FAM168A: variants seen among roughly 807,000 people sequenced by gnomAD.
FAM168A encodes the protein protein FAM168A.
FAM168A carries 3 observed loss-of-function variants against 28.5 expected under a neutral mutation model. The observed-to-expected ratio is 0.11, with a 90% CI of 0.05 to 0.27. The LOEUF is 0.27. Ranked by LOEUF, FAM168A falls within the 10% of genes least tolerant of loss-of-function variation. FAM168A has a pLI of 1.00. For synonymous variants in FAM168A, 122 were observed against 124.2 expected, an observed-to-expected ratio of 0.98 and a Z score of 0.12; for missense variants, 222 against 311.5, an observed-to-expected ratio of 0.71 and a Z score of 2.16.
chr11:73,462,914 GGAGAA>G (rs199533176), intron 2 of FAM168A, among the ~76,000 whole-genome samples: 8 of 150,138 alleles, frequency 5.3e-5, no homozygotes, highest in South Asian at 2.1e-4. Flanking sequence ...AGAGAGGAGA[GGAGAA>G]GAGAAGAGAA....
At position 73,409,559 on chromosome 11, in the gene FAM168A, G is replaced by A; in HGVS notation, c.523C>T (p.Pro175Ser). 1.2e-6 allele frequency: 2 copies of A among 1,614,088 alleles called. No individual in the cohort carries two copies. Among genetic ancestry groups the A allele is most frequent in the Non-Finnish European group, 1.7e-6 (2 of 1,179,956 alleles). Residue 175 changes from proline to serine, a missense_variant, in exon 6 of 8, where the codon CCT (proline) becomes TCT (serine). This residue lies in a region of FAM168A where 64 missense variants were observed against 94.6 expected (regional missense o/e 0.68). Transcript: ENST00000356467. The part of the protein sequence containing the change: ...NSIPSAIYPA[P>S]VAAPRTNGVA... ...CCGTTGGTCCTCGGGGCGGCAACAG[G>A]TGCTGGGTAGATAGCAGAGGGAATG...
At chr11:73,464,342 A>T (rs1156892880) in intron 2 of FAM168A, among the ~76,000 whole-genome samples, 1 of 146,516 alleles carries the variant, frequency 6.8e-6, no homozygotes, top group East Asian at 1.9e-4. Flanking sequence ...GGGGAAAACA[A>T]ACACTGGTTT....
intron 1 of FAM168A, among the ~76,000 whole-genome samples, chr11:73,509,395 C>A (rs970755501): frequency 1.3e-5 from 2 of 152,174 alleles, no homozygotes; most frequent in African/African-American, 4.8e-5. Flanking sequence ...CTAAGTAAAT[C>A]CTGCTAAGTA....
At chr11:73,520,614 C>A (rs1048599930) in intron 1 of FAM168A, among the ~76,000 whole-genome samples, 2 of 152,148 alleles carry the variant, frequency 1.3e-5, no homozygotes, top group African/African-American at 4.8e-5. Context: ...TAAATCACAC[C>A]TGATTCGACC....
At chr11:73,539,578 T>G (rs1590841761) in intron 1 of FAM168A, among the ~76,000 whole-genome samples, 1 of 152,114 alleles carries the variant, frequency 6.6e-6, no homozygotes, top group Non-Finnish European at 1.5e-5. Context: ...CAATCAAGAC[T>G]TTACTAGACA....
intron 1 of FAM168A, among the ~76,000 whole-genome samples, chr11:73,498,974 T>C (rs578226687): frequency 6.6e-6 from 1 of 152,228 alleles, no homozygotes; most frequent in Admixed American, 6.5e-5. Flanking sequence ...GATGAGTGGG[T>C]ATCCCCCCAG....
chr11:73,525,771 T>C (rs1382559714), intron 1 of FAM168A, among the ~76,000 whole-genome samples: 5 of 152,226 alleles, frequency 3.3e-5, no homozygotes, highest in Admixed American at 6.5e-5. Flanking sequence ...TCCAAAATCT[T>C]GTTCCCTCTC....
chr11:73,484,870 G>A (rs1233800184), intron 1 of FAM168A, among the ~76,000 whole-genome samples: 2 of 151,728 alleles, frequency 1.3e-5, no homozygotes, highest in East Asian at 1.9e-4. Context: ...CCTGGAGTCC[G>A]ATGTTCAAGG....
intron 1 of FAM168A, among the ~76,000 whole-genome samples, chr11:73,510,491 T>C (rs75682004): frequency 0.013 from 2,022 of 152,196 alleles, 45 homozygotes; most frequent in African/African-American, 0.045. Context: ...GCAAAAGTAA[T>C]TGCAGTTTTT....
intron 1 of FAM168A, among the ~76,000 whole-genome samples, chr11:73,555,503 G>A (rs1055049780): frequency 1.3e-5 from 2 of 151,906 alleles, no homozygotes; most frequent in Non-Finnish European, 2.9e-5. Flanking sequence ...TCAGGAGCTC[G>A]AGACCAGCCT....
chr11:73,407,935 G>C (rs912416390), intron 6 of FAM168A, among the ~76,000 whole-genome samples: 1 of 152,210 alleles, frequency 6.6e-6, no homozygotes, highest in Non-Finnish European at 1.5e-5. Context: ...GCAATGGCGC[G>C]ATCTCAGCTC....
At chr11:73,493,070 C>T (rs1023336802) in intron 1 of FAM168A, among the ~76,000 whole-genome samples, 3 of 152,038 alleles carry the variant, frequency 2.0e-5, no homozygotes, top group East Asian at 3.9e-4. Context: ...TTGGGTACTA[C>T]GCTCACTACC....
intron 2 of FAM168A, among the ~76,000 whole-genome samples, chr11:73,438,104 T>C (rs1173376119): frequency 6.6e-6 from 1 of 152,154 alleles, no homozygotes; most frequent in African/African-American, 2.4e-5. Context: ...GATTTCATCA[T>C]CATCATCATC....
At chr11:73,545,405 T>A (rs1724016189) in intron 1 of FAM168A, among the ~76,000 whole-genome samples, 1 of 151,926 alleles carries the variant, frequency 6.6e-6, no homozygotes, top group South Asian at 2.1e-4. Flanking sequence ...ATATGAAATA[T>A]CCTGAATAGG....
chr11:73,592,763 G>C (rs1345889118), intron 1 of FAM168A, among the ~76,000 whole-genome samples: 1 of 151,968 alleles, frequency 6.6e-6, no homozygotes. Flanking sequence ...TCTACAAAAA[G>C]CATTTGCCAG....
chr11:73,488,260 A>T (rs937546371), intron 1 of FAM168A, among the ~76,000 whole-genome samples: 1 of 151,742 alleles, frequency 6.6e-6, no homozygotes, highest in Non-Finnish European at 1.5e-5. Context: ...CCTCCCAAGT[A>T]GCTGGGATTA....
chr11:73,592,012 T>C (rs1306998340), intron 1 of FAM168A, among the ~76,000 whole-genome samples: 2 of 151,890 alleles, frequency 1.3e-5, no homozygotes, highest in Non-Finnish European at 2.9e-5. Flanking sequence ...CTTAGAAAAA[T>C]TATAAAACAG....
Position 73,585,766 on chromosome 11 carries a change from G to C in FAM168A, c.-19+12157C>G, listed in dbSNP as rs1944305817. ...GCCCGTAAACCCAGCTACTCAGGAG[G>C]CTGAGCCAGGAGAATCACTGGAACC... is the stretch of plus-strand genomic sequence containing the variant. On this transcript the variant is annotated intron_variant, in intron 1 of 7. Coordinates refer to ENST00000356467, the MANE Select transcript of FAM168A (RefSeq NM_015159.3). Among the ~76,000 whole-genome samples the C allele has an allele frequency of 2.0e-5, 3 of 151,620 alleles. No individual in the cohort carries two copies. The South Asian group carries it at 6.2e-4, about 31-fold the overall frequency.
At chr11:73,535,032 G>C (rs12276536) in intron 1 of FAM168A, among the ~76,000 whole-genome samples, 1 of 151,994 alleles carries the variant, frequency 6.6e-6, no homozygotes, top group African/African-American at 2.4e-5. Flanking sequence ...GGATTCTTCC[G>C]GAGAATCTGA....
Sources: gnomAD v4.1 joint callset for allele counts (sites outside exome capture counted in the v4.1 genomes callset) on GRCh38, gnomAD v4.1.1 for gene constraint, gnomAD v4.1.1 regional missense constraint, MANE v1.5 for transcripts, NCBI Gene and HGNC (gene_info 2026-07-23, HGNC 2026-07-21) for gene names.